The following NIPBL variants were observed in gnomAD, a reference collection of about 807,000 sequenced individuals.
NIPBL encodes NIPBL cohesin loading factor, also known as nipped-B-like protein.
A neutral mutation model predicts 321.8 loss-of-function variants in NIPBL; 19 were observed. The ratio of observed to expected loss-of-function variants is 0.06; its 90% CI spans 0.04 to 0.09. NIPBL has a LOEUF of 0.09. Among genes scored for constraint, NIPBL ranks in the 10% least tolerant of loss-of-function variants. The probability of loss-of-function intolerance (pLI) is 1.00; values close to 1 mark genes in which losing one functional copy is unlikely to be tolerated. For missense variants in NIPBL, 2,210 were observed against 3,327.0 expected, an observed-to-expected ratio of 0.66 and a Z score of 8.26; for synonymous variants, 1,106 against 1,114.1, an observed-to-expected ratio of 0.99 and a Z score of 0.14.
chr5:36,884,592 A>G (rs992628434), intron 1 of NIPBL, among the ~76,000 whole-genome samples: 5 of 152,188 alleles, frequency 3.3e-5, no homozygotes, highest in African/African-American at 1.2e-4. Context: ...ATACTCAACC[A>G]TCAGCTCTGT....
chr5:37,001,112 C>G (rs1383333384), intron 14 of NIPBL, 34 bp downstream of exon 14: 1 of 1,360,826 alleles, frequency 7.3e-7, no homozygotes, highest in Non-Finnish European at 1.1e-6. Flanking sequence ...TACACATACT[C>G]TAAGTGTCTT....
intron 1 of NIPBL, chr5:36,885,633 C>G: frequency 3.7e-6 from 2 of 540,728 alleles, no homozygotes; most frequent in Non-Finnish European, 7.3e-6. Flanking sequence ...TTTGCAAATA[C>G]TGTGGACAAT....
intron 18 of NIPBL, 59 bp downstream of exon 18, chr5:37,007,533 A>T (rs1747583287): frequency 8.3e-7 from 1 of 1,202,110 alleles, no homozygotes. Context: ...AGTCTAGTAT[A>T]ACCTAGCTCA....
At chr5:37,015,777 A>C (rs1748910955) in intron 22 of NIPBL, among the ~76,000 whole-genome samples, 1 of 152,164 alleles carries the variant, frequency 6.6e-6, no homozygotes, top group South Asian at 2.1e-4. Context: ...AAAAACAGTG[A>C]TCATTTTTTT....
chr5:36,904,532 A>C (rs1293365148), intron 1 of NIPBL, among the ~76,000 whole-genome samples: 1 of 152,200 alleles, frequency 6.6e-6, no homozygotes, highest in Non-Finnish European at 1.5e-5. Flanking sequence ...AGCAGTTTAG[A>C]GCAATAAATA....
intron 1 of NIPBL, among the ~76,000 whole-genome samples, chr5:36,877,637 C>T (rs2149511567): frequency 6.6e-6 from 1 of 152,326 alleles, no homozygotes; most frequent in Admixed American, 6.5e-5. Context: ...TGGGGAACGT[C>T]CCAGTGAAAC....
At chr5:36,911,068 G>A (rs945052759) in intron 1 of NIPBL, among the ~76,000 whole-genome samples, 2 of 152,196 alleles carry the variant, frequency 1.3e-5, no homozygotes, top group Admixed American at 6.5e-5. Context: ...GACTAGCATT[G>A]TATGAATGAA....
chr5:36,976,454 T>C (rs1743466345), intron 9 of NIPBL, 52 bp downstream of exon 9: 2 of 1,585,890 alleles, frequency 1.3e-6, no homozygotes, highest in East Asian at 2.2e-5. Context: ...TATGTAATTA[T>C]AGTGTCAAAA....
At chr5:36,995,430 T>G (rs1350774619) in intron 10 of NIPBL, 192 bp from the exon 11 acceptor site, 1 of 496,938 alleles carries the variant, frequency 2.0e-6, no homozygotes, top group African/African-American at 1.9e-5. Context: ...TAATTATATG[T>G]ATATATGTAC....
At chr5:37,008,830 A>C in intron 20 of NIPBL, 107 bp downstream of exon 20, 1 of 735,384 alleles carries the variant, frequency 1.4e-6, no homozygotes, top group South Asian at 1.5e-5. Flanking sequence ...ATAATTAAAA[A>C]CTAGGCAGTT....
At chr5:36,979,359 T>C (rs908748917) in intron 9 of NIPBL, among the ~76,000 whole-genome samples, 1 of 151,832 alleles carries the variant, frequency 6.6e-6, no homozygotes, top group African/African-American at 2.4e-5. Flanking sequence ...CTATTGTAAA[T>C]GAGATTGAGT....
chr5:37,026,911 C>G (rs751943472), intron 31 of NIPBL, among the ~76,000 whole-genome samples: 1 of 147,588 alleles, frequency 6.8e-6, no homozygotes, highest in Non-Finnish European at 1.5e-5. Flanking sequence ...AAGATCCCTT[C>G]TCAAAAAAAA....
At chr5:37,048,740 AATCTAAAT>A in intron 39 of NIPBL, 65 bp downstream of exon 39, 1 of 1,254,402 alleles carries the variant, frequency 8.0e-7, no homozygotes, top group Middle Eastern at 2.7e-4. Context: ...TATCTTCTTT[AATCTAAAT>A]ATCTAAATTT....
chr5:36,902,445 G>A (rs565507369), intron 1 of NIPBL, among the ~76,000 whole-genome samples: 2 of 152,280 alleles, frequency 1.3e-5, no homozygotes, highest in Admixed American at 6.5e-5. Context: ...TGTGGTGAAA[G>A]GAAGAGGTCC....
At chr5:36,882,645 G>A (rs1183406566) in intron 1 of NIPBL, among the ~76,000 whole-genome samples, 2 of 151,874 alleles carry the variant, frequency 1.3e-5, no homozygotes, top group African/African-American at 4.8e-5. Flanking sequence ...CTTATTCAGG[G>A]TAGCAAACCT....
rs1370746123 is a variant in NIPBL, at chr5:36,996,651, C to T, written c.3304+847C>T. On this transcript the variant is annotated intron_variant, in intron 11 of 46. Transcript: ENST00000282516. The surrounding 1 kb of genome is among the most constrained non-coding windows in gnomAD (Gnocchi z 5.0). ...AGCCTAGCCAAGAGGGGTCAGCAACCTTGTTTGACTTAAACGGCATTCAGT... is the reference window on the plus strand; with the variant it reads ...AGCCTAGCCAAGAGGGGTCAGCAACTTTGTTTGACTTAAACGGCATTCAGT... The T allele has an allele frequency of 5.2e-6, 2 of 381,504 alleles. No homozygotes were observed. The highest frequency in any genetic ancestry group is 1.0e-5 in the Non-Finnish European group (2 of 192,486). 23.6% of individuals were successfully genotyped at this position (381,504 alleles called of 1,614,324 possible).
intron 10 of NIPBL, 39 bp downstream of exon 10, chr5:36,986,340 G>T: frequency 7.7e-7 from 1 of 1,301,896 alleles, no homozygotes. Flanking sequence ...TAATATAATC[G>T]ATTTTAAGTG....
intron 6 of NIPBL, 112 bp downstream of exon 6, chr5:36,962,386 C>G: frequency 9.3e-7 from 1 of 1,079,560 alleles, no homozygotes; most frequent in Non-Finnish European, 1.4e-6. Context: ...ATACTGTATA[C>G]TTGTCAGTAA....
chr5:36,972,745 C>T (rs551706257), intron 8 of NIPBL, among the ~76,000 whole-genome samples: 7 of 152,214 alleles, frequency 4.6e-5, no homozygotes, highest in African/African-American at 1.7e-4. Flanking sequence ...ATCATTGTAA[C>T]TTAAAAATTT....
Sources: allele counts gnomAD v4.1 joint callset (sites outside exome capture counted in the v4.1 genomes callset), GRCh38; gene constraint gnomAD v4.1.1; non-coding constraint Gnocchi (gnomAD v3.1); transcripts MANE v1.5; gene names NCBI Gene and HGNC (gene_info 2026-07-23, HGNC 2026-07-21).